ATP2B2: variants seen among roughly 807,000 people sequenced by gnomAD.
The protein encoded by ATP2B2 is plasma membrane calcium-transporting ATPase 2.
In ATP2B2, 15 loss-of-function variants were observed where a neutral mutation model predicts 120.0. The observed-to-expected ratio is 0.12, with a 90% CI of 0.08 to 0.19. The LOEUF (loss-of-function observed/expected upper bound fraction) is 0.19. Among genes scored for constraint, ATP2B2 ranks in the 10% least tolerant of loss-of-function variants. The pLI is 1.00. For synonymous variants in ATP2B2, 694 were observed against 700.3 expected (o/e 0.99, Z 0.14); for missense variants, 1,045 against 1,719.8 (o/e 0.61, Z 6.94).
At chr3:10,662,792 C>T (rs1214635640) in intron 1 of ATP2B2, among the ~76,000 whole-genome samples, 5 of 152,044 alleles carry the variant, frequency 3.3e-5, no homozygotes, top group African/African-American at 7.2e-5. Flanking sequence ...CATATGCACA[C>T]GTATGTTTAT....
Position 10,341,128 on chromosome 3 carries a change from C to CT in ATP2B2, c.2918-425dup, listed in dbSNP as rs888207516. ...CTGAGCATGTCCCTTGCTGAGACCT[C>CT]TACAAGCTCATGGGGCTGTTACTAG... On this transcript the variant is annotated intron_variant, in intron 19 of 22. Coordinates refer to ENST00000360273, the MANE Select transcript of ATP2B2 (RefSeq NM_001001331.4). 8.5e-5 allele frequency among the ~76,000 whole-genome samples: 13 copies of CT among 152,216 alleles called. 1 individual carries two copies. The highest frequency in any genetic ancestry group is 2.4e-4 in the African/African-American group (10 of 41,550).
At chr3:10,638,025 T>G (rs1243266110) in intron 1 of ATP2B2, among the ~76,000 whole-genome samples, 4 of 152,152 alleles carry the variant, frequency 2.6e-5, no homozygotes, top group Non-Finnish European at 4.4e-5. Context: ...AGAAACACAC[T>G]GTATACGTAC....
chr3:10,355,646 G>A (rs2060693932), intron 14 of ATP2B2, among the ~76,000 whole-genome samples: 1 of 152,178 alleles, frequency 6.6e-6, no homozygotes, highest in African/African-American at 2.4e-5. Flanking sequence ...CAGAGTCTGT[G>A]CCTGCAGCTA....
intron 2 of ATP2B2, among the ~76,000 whole-genome samples, chr3:10,558,601 C>T (rs2067831285): frequency 6.6e-6 from 1 of 152,094 alleles, no homozygotes; most frequent in South Asian, 2.1e-4. Flanking sequence ...GTGCCTGAAG[C>T]CTGACCTCCT....
Position 10,564,215 on chromosome 3 carries a change from AT to A in ATP2B2, c.-414-30083del, listed in dbSNP as rs139380722. ...CCTTGGGGGCTGATCAATAATACCC[AT>A]AGGCTGGCAGCAACCTTCTTCTGTT... On this transcript the variant is annotated intron_variant, in intron 2 of 21. Transcript: ENST00000646379. Among the ~76,000 whole-genome samples, 420 of 152,336 alleles carry A rather than the reference AT, an allele frequency of 2.8e-3. 1 individual carries two copies. The highest frequency in any genetic ancestry group is 9.2e-3 in the African/African-American group (381 of 41,580).
At chr3:10,571,353 A>G (rs534103568) in intron 2 of ATP2B2, among the ~76,000 whole-genome samples, 1 of 152,220 alleles carries the variant, frequency 6.6e-6, no homozygotes, top group Admixed American at 6.5e-5. Context: ...CAGGTAGGTG[A>G]CTCGTGGCCT....
At chr3:10,685,954 T>A (rs1270115600) in intron 1 of ATP2B2, among the ~76,000 whole-genome samples, 1 of 152,046 alleles carries the variant, frequency 6.6e-6, no homozygotes, top group Non-Finnish European at 1.5e-5. Context: ...TGTTTTAATG[T>A]GTCTCTCATT....
chr3:10,553,953 G>A (rs1180783908), intron 2 of ATP2B2, among the ~76,000 whole-genome samples: 1 of 145,918 alleles, frequency 6.9e-6, no homozygotes, highest in Non-Finnish European at 1.5e-5. Flanking sequence ...GTGAAAAGAA[G>A]CAAGAGATTA....
chr3:10,481,002 C>T (rs1165097018), intron 1 of ATP2B2, among the ~76,000 whole-genome samples: 2 of 152,218 alleles, frequency 1.3e-5, no homozygotes, highest in African/African-American at 4.8e-5. Flanking sequence ...GTTCATCCCG[C>T]CTGCCACCTA....
chr3:10,423,767 C>G (rs1479931130), intron 2 of ATP2B2, among the ~76,000 whole-genome samples: 1 of 152,198 alleles, frequency 6.6e-6, no homozygotes, highest in Non-Finnish European at 1.5e-5. Context: ...CCAGTCTCCA[C>G]CCTGACACTT....
intron 3 of ATP2B2, among the ~76,000 whole-genome samples, chr3:10,405,956 T>A (rs1171597861): frequency 6.6e-6 from 1 of 152,212 alleles, no homozygotes; most frequent in Non-Finnish European, 1.5e-5. Context: ...ATGAACATGC[T>A]GTGTGACCTA....
At chr3:10,653,362 G>T (rs1416118560) in intron 1 of ATP2B2, among the ~76,000 whole-genome samples, 2 of 152,188 alleles carry the variant, frequency 1.3e-5, no homozygotes, top group African/African-American at 4.8e-5. Context: ...TTCATTGGCT[G>T]TGGGTGAATT....
chr3:10,535,567 T>C (rs2067297014), intron 2 of ATP2B2, among the ~76,000 whole-genome samples: 1 of 152,166 alleles, frequency 6.6e-6, no homozygotes, highest in Non-Finnish European at 1.5e-5. Flanking sequence ...TAGCCTGTTC[T>C]CCATCTCTCT....
At chr3:10,575,659 G>T (rs559789173) in intron 2 of ATP2B2, among the ~76,000 whole-genome samples, 2 of 152,346 alleles carry the variant, frequency 1.3e-5, no homozygotes, top group African/African-American at 4.8e-5. Flanking sequence ...TATGTCTGGG[G>T]TAGAGAGGAT....
At chr3:10,673,853 G>C (rs188697184) in intron 1 of ATP2B2, among the ~76,000 whole-genome samples, 14 of 146,528 alleles carry the variant, frequency 9.6e-5, no homozygotes, top group South Asian at 4.5e-4. Context: ...AAGGAAGGAA[G>C]GAAGGAAGAG....
intron 2 of ATP2B2, among the ~76,000 whole-genome samples, chr3:10,437,770 G>A (rs2063525007): frequency 6.6e-6 from 1 of 152,208 alleles, no homozygotes; most frequent in Admixed American, 6.5e-5. Flanking sequence ...GGTATTTGGA[G>A]ATAGAGTCAT....
In ATP2B2 at chr3:10,622,821, A is replaced by G. The variant is rs924316947; in HGVS notation, c.-459-2860T>C. Among the ~76,000 whole-genome samples, 19 of 152,310 alleles carry G rather than the reference A, an allele frequency of 1.2e-4. 1 individual carries two copies. The highest frequency in any genetic ancestry group is 3.8e-4 in the African/African-American group (16 of 41,564). On this transcript the variant is annotated intron_variant, in intron 1 of 21. Coordinates refer to the ATP2B2 transcript ENST00000646379. ...ATGCCCGTGGGATTATCCATGACTC[A>G]GGTGGGCCTAATTTCACAGGTCGGT...
chr3:10,496,640 A>G (rs974115722), intron 1 of ATP2B2, among the ~76,000 whole-genome samples: 2 of 151,934 alleles, frequency 1.3e-5, no homozygotes, highest in Non-Finnish European at 2.9e-5. Flanking sequence ...ATCCACACAC[A>G]TTGCACTCCA....
At chr3:10,353,731 C>T (rs939686629) in intron 14 of ATP2B2, among the ~76,000 whole-genome samples, 2 of 152,192 alleles carry the variant, frequency 1.3e-5, no homozygotes, top group African/African-American at 2.4e-5. Context: ...TCCAAGCAAG[C>T]TGGCTTCATG....
Sources: gnomAD v4.1 joint callset for allele counts (sites outside exome capture counted in the v4.1 genomes callset) on GRCh38, gnomAD v4.1.1 for gene constraint, MANE v1.5 for transcripts, NCBI Gene and HGNC (gene_info 2026-07-23, HGNC 2026-07-21) for gene names.